The following PDGFRL variants were observed in gnomAD, a reference collection of about 807,000 sequenced individuals.
The protein encoded by PDGFRL is platelet-derived growth factor receptor-like protein.
A neutral mutation model predicts 37.2 loss-of-function variants in PDGFRL; 46 were observed. The ratio of observed to expected loss-of-function variants is 1.24; its 90% CI spans 0.98 to 1.58. The LOEUF is 1.58. Among genes scored for constraint, PDGFRL ranks in the 40% most tolerant of loss-of-function variants. The pLI is 0.00. For synonymous variants in PDGFRL, 251 were observed against 184.3 expected, an observed-to-expected ratio of 1.36 and a Z score of -2.93; for missense variants, 692 against 467.6, an observed-to-expected ratio of 1.48 and a Z score of -4.43.
chr8:17,624,594 G>A (rs745340720), intron 3 of PDGFRL, among the ~76,000 whole-genome samples: 9 of 152,194 alleles, frequency 5.9e-5, no homozygotes, highest in Admixed American at 2.6e-4. Context: ...ATTTTTATAC[G>A]TAGGAAAACC....
chr8:17,620,622 T>C (rs567620643), intron 2 of PDGFRL, among the ~76,000 whole-genome samples: 1 of 152,324 alleles, frequency 6.6e-6, no homozygotes, highest in African/African-American at 2.4e-5. Flanking sequence ...ATGTATAATA[T>C]TGCATTTTCA....
At chr8:17,597,780 T>G (rs144690165) in intron 2 of PDGFRL, among the ~76,000 whole-genome samples, 6 of 152,178 alleles carry the variant, frequency 3.9e-5, no homozygotes, top group African/African-American at 1.4e-4. Flanking sequence ...GGATGCTGCC[T>G]CAGTTTCTTA....
At position 17,627,079 on chromosome 8, in the gene PDGFRL, C is replaced by T. The variant is rs75877532; in HGVS notation, c.506-1408C>T. 1.0e-3 allele frequency among the ~76,000 whole-genome samples: 153 copies of T among 152,298 alleles called. 5 individuals are homozygous for T. The East Asian group carries it at 0.021, about 21-fold the overall frequency. The stretch of plus-strand genomic sequence containing the variant: ...GAGGACAGGCTGAGGACACTGTCAC[C>T]GTGCTGGGGCTCCCAGGGGAGCTCT... On this transcript the variant is annotated intron_variant, in intron 3 of 5. Transcript: ENST00000251630.
intron 1 of PDGFRL, among the ~76,000 whole-genome samples, chr8:17,586,063 T>C (rs527527114): frequency 6.6e-5 from 10 of 152,324 alleles, no homozygotes; most frequent in African/African-American, 2.2e-4. Context: ...ACGATTCTCA[T>C]GCCTCAGCCT....
At chr8:17,603,698 G>A (rs1391523231) in intron 2 of PDGFRL, among the ~76,000 whole-genome samples, 1 of 152,174 alleles carries the variant, frequency 6.6e-6, no homozygotes, top group East Asian at 1.9e-4. Flanking sequence ...ATAAGATGGT[G>A]AGCAAAATAG....
At chr8:17,640,369 C>T (rs1249623576) in intron 5 of PDGFRL, among the ~76,000 whole-genome samples, 3 of 152,042 alleles carry the variant, frequency 2.0e-5, no homozygotes, top group African/African-American at 7.2e-5. Flanking sequence ...GAAATACTAC[C>T]AGAATTGTTT....
At chr8:17,633,363 G>A (rs1034766071) in intron 4 of PDGFRL, among the ~76,000 whole-genome samples, 1 of 152,156 alleles carries the variant, frequency 6.6e-6, no homozygotes, top group Admixed American at 6.6e-5. Flanking sequence ...AGGAGTTTGA[G>A]GCTGCAGAGA....
chr8:17,634,384 G>C (rs1020275329), intron 5 of PDGFRL, among the ~76,000 whole-genome samples, 171 bp downstream of exon 5: 1 of 151,928 alleles, frequency 6.6e-6, no homozygotes, highest in Non-Finnish European at 1.5e-5. Context: ...TTTTGAAGAT[G>C]TTTCGGTATA....
intron 4 of PDGFRL, among the ~76,000 whole-genome samples, chr8:17,630,814 C>A (rs975156135): frequency 6.6e-6 from 1 of 150,406 alleles, no homozygotes; most frequent in Non-Finnish European, 1.5e-5. Flanking sequence ...TAGGGACTCA[C>A]CTGTCACAAG....
intron 1 of PDGFRL, among the ~76,000 whole-genome samples, chr8:17,580,855 C>T (rs1487561722): frequency 6.6e-6 from 1 of 152,014 alleles, no homozygotes; most frequent in Non-Finnish European, 1.5e-5. Context: ...GTCAGCAACC[C>T]CTTGGCATTT....
intron 4 of PDGFRL, among the ~76,000 whole-genome samples, chr8:17,631,018 GAC>G (rs1804850305): frequency 6.6e-6 from 1 of 152,094 alleles, no homozygotes; most frequent in Non-Finnish European, 1.5e-5. Flanking sequence ...ATACAGTGGA[GAC>G]ACAGTCTGGG....
At chr8:17,627,470 A>ATTTT (rs11367536) in intron 3 of PDGFRL, among the ~76,000 whole-genome samples, 8 of 147,304 alleles carry the variant, frequency 5.4e-5, no homozygotes, top group East Asian at 4.0e-4. Flanking sequence ...ACCGATTGCA[A>ATTTT]TTTTTTTTTT....
At chr8:17,589,159 C>T (rs1803877579) in intron 1 of PDGFRL, among the ~76,000 whole-genome samples, 1 of 152,092 alleles carries the variant, frequency 6.6e-6, no homozygotes, top group Admixed American at 6.5e-5. Flanking sequence ...AGGTGGATCA[C>T]CTGAGGTCAG....
At chr8:17,578,849 G>A (rs1803643661) in intron 1 of PDGFRL, among the ~76,000 whole-genome samples, 1 of 152,210 alleles carries the variant, frequency 6.6e-6, no homozygotes. Context: ...CAGACTGAAT[G>A]TAAGAAATAG....
chr8:17,617,082 C>G (rs149043743), intron 2 of PDGFRL, among the ~76,000 whole-genome samples: 243 of 152,314 alleles, frequency 1.6e-3, no homozygotes, highest in Middle Eastern at 6.8e-3. Flanking sequence ...GAGCAAGACT[C>G]TGTGTGTGTT....
Position 17,589,680 on chromosome 8 carries a change from C to T in PDGFRL, c.268C>T (p.Gln90Ter), listed in dbSNP as rs552880963. 13 of 1,613,190 alleles carry T rather than the reference C, an allele frequency of 8.1e-6. No homozygotes were observed. In the East Asian group the frequency reaches 2.7e-4, roughly 33 times the overall value. ...PAATLSLLAG[Q>*]TVELRCKGSR... ...CGCTACCCTGAGTCTGCTGGCGGGG[C>T]AAACTGTAGAGCTTCGATGTAAAGG... Residue 90 changes from glutamine to a stop codon, truncating the protein, a stop_gained, in exon 2 of 6, where the codon CAA becomes TAA. Transcript: ENST00000251630. LOFTEE classifies it high-confidence loss of function.
At chr8:17,614,962 G>T (rs1297664376) in intron 2 of PDGFRL, among the ~76,000 whole-genome samples, 1 of 152,152 alleles carries the variant, frequency 6.6e-6, no homozygotes, top group Non-Finnish European at 1.5e-5. Flanking sequence ...GCCACGTGGG[G>T]TTAATAATAG....
intron 4 of PDGFRL, 21 bp downstream of exon 4, chr8:17,628,801 C>T: frequency 6.3e-7 from 1 of 1,577,042 alleles, no homozygotes; most frequent in Non-Finnish European, 8.7e-7. Flanking sequence ...CCACCCCTGC[C>T]TAGATTCTAG....
chr8:17,641,492 C>T (rs112932416), intron 5 of PDGFRL, among the ~76,000 whole-genome samples: 248 of 152,318 alleles, frequency 1.6e-3, no homozygotes, highest in African/African-American at 5.7e-3. Flanking sequence ...TCCTGTGTTT[C>T]ACTTGGCTAG....
Sources: gnomAD v4.1 joint callset for allele counts (sites outside exome capture counted in the v4.1 genomes callset) on GRCh38, gnomAD v4.1.1 for gene constraint, MANE v1.5 for transcripts, NCBI Gene and HGNC (gene_info 2026-07-23, HGNC 2026-07-21) for gene names.